The following NPSR1 variants were observed in gnomAD, a reference collection of about 807,000 sequenced individuals.
NPSR1 encodes neuropeptide S receptor 1.
NPSR1 carries 48 observed loss-of-function variants against 46.9 expected under a neutral mutation model. That is an observed-to-expected ratio of 1.02 (90% CI 0.81 to 1.30). NPSR1 has a LOEUF of 1.30. Among genes scored for constraint, NPSR1 ranks in the 50% most tolerant of loss-of-function variants. NPSR1 has a pLI of 0.00. For synonymous variants in NPSR1, 176 were observed against 168.1 expected, an observed-to-expected ratio of 1.05 and a Z score of -0.36; for missense variants, 450 against 449.5, an observed-to-expected ratio of 1.00 and a Z score of -0.01.
chr7:34,791,770 A>G (rs1235256610), intron 3 of NPSR1, among the ~76,000 whole-genome samples: 2 of 152,190 alleles, frequency 1.3e-5, no homozygotes, highest in African/African-American at 4.8e-5. Context: ...ACAAAGCTCA[A>G]GGCATCACAC....
At position 34,693,481 on chromosome 7, in the gene NPSR1, T is replaced by C. The variant is rs564926705; in HGVS notation, c.280+8797T>C. On this transcript the variant is annotated intron_variant, in intron 2 of 8. Transcript: ENST00000360581. ...TCCTGAATAGACCAATAGCAAGTAATAAAATCACATCAGTAATAAAAAATC... is the reference window on the plus strand; with the variant it reads ...TCCTGAATAGACCAATAGCAAGTAACAAAATCACATCAGTAATAAAAAATC... Among the ~76,000 whole-genome samples the C allele has an allele frequency of 6.6e-5, 10 of 152,124 alleles. No homozygotes were observed. The South Asian group carries it at 1.9e-3, about 28-fold the overall frequency.
At position 34,779,640 on chromosome 7, in the gene NPSR1, C is replaced by T. The variant is rs1297945516; in HGVS notation, c.384+1075C>T. The T allele has an allele frequency of 2.6e-6, 3 of 1,141,276 alleles. No individual in the cohort carries two copies. In the African/African-American group the frequency reaches 4.9e-5, roughly 18 times the overall value. 70.7% of individuals were successfully genotyped at this position (1,141,276 alleles called of 1,614,324 possible). ...ATATAACCTTGAAAGTTTGGTATGT[C>T]TGAAAGAGCCTTTTCTATTATGTAC... is the stretch of plus-strand genomic sequence containing the variant. On this transcript the variant is annotated intron_variant, in intron 3 of 8. Transcript: ENST00000360581.
intron 4 of NPSR1, among the ~76,000 whole-genome samples, chr7:34,826,606 A>T (rs868756034): frequency 3.3e-5 from 5 of 152,228 alleles, no homozygotes; most frequent in South Asian, 4.1e-4. Flanking sequence ...GCATCACATC[A>T]TAACAACGGG....
chr7:34,814,649 C>A (rs1418530751), intron 4 of NPSR1, among the ~76,000 whole-genome samples: 1 of 152,246 alleles, frequency 6.6e-6, no homozygotes, highest in Non-Finnish European at 1.5e-5. Flanking sequence ...TAGGGGCCAA[C>A]AGACACCTCA....
chr7:34,742,839 A>G (rs1785016596), intron 2 of NPSR1, among the ~76,000 whole-genome samples: 1 of 152,206 alleles, frequency 6.6e-6, no homozygotes, highest in Non-Finnish European at 1.5e-5. Context: ...ACTTTTTAGT[A>G]ATAGCCATTC....
intron 1 of NPSR1, among the ~76,000 whole-genome samples, chr7:34,678,825 C>CAAAAAAAA (rs61537015): frequency 7.1e-6 from 1 of 139,890 alleles, no homozygotes; most frequent in African/African-American, 2.7e-5. Context: ...GACTCTGTCT[C>CAAAAAAAA]AAAAAAAAGA....
intron 2 of NPSR1, among the ~76,000 whole-genome samples, chr7:34,726,792 T>C (rs935976139): frequency 6.9e-6 from 1 of 145,160 alleles, no homozygotes; most frequent in Non-Finnish European, 1.5e-5. Context: ...TATGACATTC[T>C]GGAAAAAAAC....
chr7:34,766,733 C>T (rs941730275), intron 2 of NPSR1, among the ~76,000 whole-genome samples: 2 of 151,972 alleles, frequency 1.3e-5, no homozygotes, highest in Admixed American at 6.6e-5. Flanking sequence ...CCACCACGCC[C>T]GGCTAATTTT....
At chr7:34,795,355 G>C (rs1788126941) in intron 3 of NPSR1, among the ~76,000 whole-genome samples, 1 of 152,112 alleles carries the variant, frequency 6.6e-6, no homozygotes, top group Admixed American at 6.6e-5. Flanking sequence ...GCTAAGATTA[G>C]GAAGAAAACA....
intron 3 of NPSR1, among the ~76,000 whole-genome samples, chr7:34,810,836 C>T (rs1042992712): frequency 6.6e-6 from 1 of 152,170 alleles, no homozygotes; most frequent in Non-Finnish European, 1.5e-5. Flanking sequence ...GCCAGCAGTA[C>T]AAATTCTAGC....
intron 2 of NPSR1, among the ~76,000 whole-genome samples, chr7:34,740,255 C>A (rs1392167748): frequency 6.6e-6 from 1 of 152,014 alleles, no homozygotes; most frequent in Admixed American, 6.6e-5. Context: ...TCCCACCATG[C>A]CCCGCCAACA....
chr7:34,827,652 C>A (rs755896558), intron 5 of NPSR1, 50 bp downstream of exon 5: 2 of 958,204 alleles, frequency 2.1e-6, no homozygotes, highest in Admixed American at 1.9e-5. Flanking sequence ...GCGGGGGGGG[C>A]TTTCCTGTTT....
chr7:34,780,850 T>C (rs917093533), intron 3 of NPSR1, among the ~76,000 whole-genome samples: 2 of 152,146 alleles, frequency 1.3e-5, no homozygotes, highest in Admixed American at 6.6e-5. Context: ...AAATCAGAAC[T>C]CACCCACTGT....
rs1456357408 is a variant in NPSR1, at chr7:34,744,891, A to G, written c.281-33571A>G. Among the ~76,000 whole-genome samples the G allele has an allele frequency of 3.3e-5, 5 of 152,214 alleles. No homozygotes were observed. In the East Asian group the frequency reaches 9.6e-4, roughly 29 times the overall value. ...GTGAATTGAAAATATTCAGAAAAAA[A>G]TGCATCTATACTGAACATGTTCACA... On this transcript the variant is annotated intron_variant, in intron 2 of 8. Transcript: ENST00000360581.
At position 34,812,892 on chromosome 7, in the gene NPSR1, C is replaced by A. The variant is rs1027616124; in HGVS notation, c.478+1029C>A. 5.3e-5 allele frequency among the ~76,000 whole-genome samples: 8 copies of A among 152,146 alleles called. No individual in the cohort carries two copies. The East Asian group carries it at 1.5e-3, about 29-fold the overall frequency. On this transcript the variant is annotated intron_variant, in intron 4 of 8. Transcript: ENST00000360581. ...AATACCTTTAAAATCTCATTCCACA[C>A]AATTTGGATCTAGGGAAGCAAATTT...
chr7:34,813,528 A>C (rs1387020667), intron 4 of NPSR1, among the ~76,000 whole-genome samples: 10 of 152,196 alleles, frequency 6.6e-5, no homozygotes, highest in Non-Finnish European at 1.3e-4. Flanking sequence ...ATCAACATGA[A>C]CATATCCATA....
intron 2 of NPSR1, among the ~76,000 whole-genome samples, chr7:34,738,970 T>C (rs1784811345): frequency 6.6e-6 from 1 of 152,222 alleles, no homozygotes; most frequent in African/African-American, 2.4e-5. Flanking sequence ...GAATATTTCA[T>C]ATAAATGGAA....
intron 2 of NPSR1, among the ~76,000 whole-genome samples, chr7:34,716,771 C>T (rs1413154086): frequency 3.3e-5 from 5 of 152,142 alleles, no homozygotes; most frequent in Admixed American, 2.6e-4. Context: ...CCTTTGTACA[C>T]CTGCTGTGCA....
chr7:34,838,840 G>A (rs945887827), intron 6 of NPSR1, among the ~76,000 whole-genome samples: 3 of 152,216 alleles, frequency 2.0e-5, no homozygotes, highest in East Asian at 1.9e-4. Flanking sequence ...TATTATTGAT[G>A]TCCAGGAGGA....
Sources: gnomAD v4.1 joint callset for allele counts (sites outside exome capture counted in the v4.1 genomes callset) on GRCh38, gnomAD v4.1.1 for gene constraint, MANE v1.5 for transcripts, NCBI Gene and HGNC (gene_info 2026-07-23, HGNC 2026-07-21) for gene names.